CSMD2: variants seen among roughly 807,000 people sequenced by gnomAD.
CSMD2 encodes CUB and Sushi multiple domains 2, also known as CUB and sushi domain-containing protein 2.
A neutral mutation model predicts 398.5 loss-of-function variants in CSMD2; 130 were observed. That is an observed-to-expected ratio of 0.33 (90% confidence interval 0.28 to 0.38). The LOEUF (loss-of-function observed/expected upper bound fraction) is 0.38, where lower values mean the gene tolerates loss of function less well. CSMD2 is among the 10% of genes least tolerant of loss of function. The pLI is 1.00. For synonymous variants in CSMD2, 1,828 were observed against 1,908.5 expected, an observed-to-expected ratio of 0.96 and a Z score of 1.10; for missense variants, 3,829 against 4,764.9, an observed-to-expected ratio of 0.80 and a Z score of 5.78.
At chr1:34,135,802 T>A (rs1638691903) in intron 1 of CSMD2, among the ~76,000 whole-genome samples, 2 of 152,036 alleles carry the variant, frequency 1.3e-5, no homozygotes, top group Admixed American at 6.5e-5. Flanking sequence ...TCTACAATGA[T>A]CCCATTTTTG....
At chr1:33,564,201 T>C (rs1162190005) in intron 53 of CSMD2, among the ~76,000 whole-genome samples, 1 of 152,248 alleles carries the variant, frequency 6.6e-6, no homozygotes, top group African/African-American at 2.4e-5. Context: ...CAGTAGTCTT[T>C]GAGGTGCCTG....
intron 29 of CSMD2, among the ~76,000 whole-genome samples, chr1:33,640,645 T>C (rs1571048052): frequency 6.6e-6 from 1 of 152,266 alleles, no homozygotes; most frequent in Middle Eastern, 3.4e-3. Flanking sequence ...ACTTTATATT[T>C]ATAGAAAGTA....
intron 1 of CSMD2, among the ~76,000 whole-genome samples, chr1:34,135,598 C>A (rs1168103034): frequency 1.3e-5 from 1 of 76,088 alleles, no homozygotes. Flanking sequence ...AGCCTGGCAA[C>A]AAAGCAAGAC....
At chr1:33,728,004 C>T (rs1353264101) in intron 15 of CSMD2, among the ~76,000 whole-genome samples, 1 of 152,144 alleles carries the variant, frequency 6.6e-6, no homozygotes, top group Non-Finnish European at 1.5e-5. Flanking sequence ...AAACAAAATC[C>T]CCTGTGAGGT....
Position 33,602,590 on chromosome 1 carries a change from C to A in CSMD2, c.6533-44G>T, listed in dbSNP as rs3738340. ...AAACGTAAGTGCAGGGCCTCGGTACCCACCTGAGAATTCAGATGCCTTCCT... is the reference window on the plus strand; with the variant it reads ...AAACGTAAGTGCAGGGCCTCGGTACACACCTGAGAATTCAGATGCCTTCCT... On this transcript the variant is annotated intron_variant, in intron 42 of 70. Coordinates refer to ENST00000373381, the MANE Select transcript of CSMD2 (RefSeq NM_001281956.2). The A allele has an allele frequency of 7.4e-4, 1,092 of 1,466,886 alleles. 28 individuals are homozygous for A. The East Asian group carries it at 0.026, about 35-fold the overall frequency. 90.9% of individuals were successfully genotyped at this position (1,466,886 alleles called of 1,614,324 possible).
chr1:34,025,195 C>T (rs1649476249), intron 3 of CSMD2, among the ~76,000 whole-genome samples: 1 of 152,214 alleles, frequency 6.6e-6, no homozygotes, highest in Admixed American at 6.5e-5. Context: ...TTGCAACACG[C>T]TGTGGTCCTT....
Position 33,533,702 on chromosome 1 carries a change from G to T in CSMD2, c.9991+94C>A. On this transcript the variant is annotated intron_variant, in intron 63 of 70. Transcript: ENST00000373381. The surrounding 1 kb of genome is among the most constrained non-coding windows in gnomAD (Gnocchi z 4.2). Reference sequence around the variant, plus strand: ...GATGTCGGTTCGCATGGGGAGTTGTGAACTCCCTGTCATTCAGAGCATTCA... The same window carrying T: ...GATGTCGGTTCGCATGGGGAGTTGTTAACTCCCTGTCATTCAGAGCATTCA... 2 of 793,866 alleles carry T rather than the reference G, an allele frequency of 2.5e-6. No homozygotes were observed. Among genetic ancestry groups the T allele is most frequent in the East Asian group, 2.6e-5 (1 of 39,108 alleles). The allele number at this position is 793,866 out of a possible 1,614,324, so 49.2% of individuals were successfully genotyped here. A position where few individuals can be genotyped will look rare whatever the true frequency, so the allele number is the denominator to read the frequency against.
At chr1:33,909,072 C>G (rs1490202435) in intron 5 of CSMD2, among the ~76,000 whole-genome samples, 1 of 152,186 alleles carries the variant, frequency 6.6e-6, no homozygotes, top group Non-Finnish European at 1.5e-5. Context: ...CGCTTACCAG[C>G]TCAGCCAACA....
Position 33,546,050 on chromosome 1 carries a change from C to T in CSMD2, c.9087G>A (p.Gln3029=), listed in dbSNP as rs1351332990. The T allele has an allele frequency of 3.1e-6, 5 of 1,613,048 alleles. No individual in the cohort carries two copies. The South Asian group carries it at 5.5e-5, about 18-fold the overall frequency. ...CACATACATTACCTCCACACTCAGG[C>T]TGCGAGCCGCTCCACGAGCCATTGG... The part of the protein sequence containing the change: ...CQANGSWSGS[Q]PECGVISCGN... The change falls in exon 57 of 71, where the codon CAG becomes CAA. Residue 3029 remains glutamine, a synonymous_variant. Coordinates refer to ENST00000373381, the MANE Select transcript of CSMD2 (RefSeq NM_001281956.2).
intron 3 of CSMD2, among the ~76,000 whole-genome samples, chr1:33,936,180 G>A (rs1303919229): frequency 3.3e-5 from 5 of 152,224 alleles, no homozygotes; most frequent in Non-Finnish European, 1.5e-5. Flanking sequence ...TCTCACACAT[G>A]AGTTTACAAC....
chr1:33,725,951 C>A (rs139148302), intron 16 of CSMD2, among the ~76,000 whole-genome samples: 2 of 151,766 alleles, frequency 1.3e-5, no homozygotes, highest in South Asian at 2.1e-4. Context: ...CAAAGCAGAG[C>A]ATGCATCAGA....
chr1:33,992,212 C>G (rs1646577025), intron 3 of CSMD2, among the ~76,000 whole-genome samples: 1 of 152,136 alleles, frequency 6.6e-6, no homozygotes, highest in African/African-American at 2.4e-5. Context: ...TCCTCACTTT[C>G]CATCTGACAG....
At chr1:33,740,088 A>G (rs1201948052) in intron 14 of CSMD2, among the ~76,000 whole-genome samples, 1 of 152,200 alleles carries the variant, frequency 6.6e-6, no homozygotes, top group Non-Finnish European at 1.5e-5. Flanking sequence ...TAGAAATAAA[A>G]TGAAAGTTGA....
chr1:33,614,628 A>C lies in CSMD2; in HGVS notation c.6017-8T>G. The C allele has an allele frequency of 6.5e-7, 1 of 1,528,080 alleles. No homozygotes were observed. The highest frequency in any genetic ancestry group is 9.1e-7 in the Non-Finnish European group (1 of 1,102,230). The allele number at this position is 1,528,080 out of a possible 1,614,324, so 94.7% of individuals were successfully genotyped here. On this transcript the variant is annotated splice_polypyrimidine_tract_variant and splice_region_variant and intron_variant, in intron 39 of 70. Coordinates refer to ENST00000373381, the MANE Select transcript of CSMD2 (RefSeq NM_001281956.2). ...CTGTTCCCCCACACTGTGCTGTGAC[A>C]ATGAGATGAGACAGAGGGTCAGGAC...
At chr1:33,542,244 G>C (rs1034971333) in intron 58 of CSMD2, among the ~76,000 whole-genome samples, 5 of 152,200 alleles carry the variant, frequency 3.3e-5, no homozygotes, top group Admixed American at 6.5e-5. Context: ...GCTACACCGT[G>C]CTCAGGAACC....
At position 34,164,968 on chromosome 1, in the gene CSMD2, G is replaced by C; in HGVS notation, c.130C>G (p.Pro44Ala). Residue 44 changes from proline to alanine, a missense_variant, in exon 1 of 71, where the codon CCG becomes GCG. Physicochemically the swap from Pro to Ala is conservative, Grantham distance 27 (BLOSUM62 -1). Coordinates refer to ENST00000373381, the MANE Select transcript of CSMD2 (RefSeq NM_001281956.2). The surrounding 1 kb of genome is among the most constrained non-coding windows in gnomAD (Gnocchi z 6.2). The part of the protein sequence containing the change: ...SRWGRPPPPT[P>A]PPLLLLLGCG... ...CCCAGCAACAGCAGCAGAGGCGGCG[G>C]CGTTGGCGGCGGCGGGCGGCCCCAG... The C allele has an allele frequency of 8.2e-7, 1 of 1,216,214 alleles. No individual in the cohort carries two copies. The highest frequency in any genetic ancestry group is 1.0e-6 in the Non-Finnish European group (1 of 978,192). The allele number at this position is 1,216,214 out of a possible 1,614,324, so 75.3% of individuals were successfully genotyped here.
At chr1:33,946,603 T>C (rs988200740) in intron 3 of CSMD2, among the ~76,000 whole-genome samples, 1 of 151,984 alleles carries the variant, frequency 6.6e-6, no homozygotes, top group African/African-American at 2.4e-5. Flanking sequence ...GATACCTTCT[T>C]TCTTTTCATC....
chr1:34,011,383 C>T (rs1647302256), intron 3 of CSMD2, among the ~76,000 whole-genome samples: 1 of 152,134 alleles, frequency 6.6e-6, no homozygotes, highest in Admixed American at 6.5e-5. Flanking sequence ...AAAGGAGTCC[C>T]ATTTCCATTT....
At chr1:33,632,645 T>C (rs1642531790) in intron 32 of CSMD2, among the ~76,000 whole-genome samples, 1 of 152,192 alleles carries the variant, frequency 6.6e-6, no homozygotes, top group Admixed American at 6.5e-5. Flanking sequence ...TTCTTGTTGG[T>C]GATCAAACTG....
Sources: gnomAD v4.1 joint callset for allele counts (sites outside exome capture counted in the v4.1 genomes callset) on GRCh38, gnomAD v4.1.1 for gene constraint, Gnocchi (gnomAD v3.1) non-coding constraint, MANE v1.5 for transcripts, NCBI Gene and HGNC (gene_info 2026-07-23, HGNC 2026-07-21) for gene names.